Variants in LAMC2 observed in about 807,000 individuals in gnomAD.
LAMC2 encodes laminin subunit gamma 2, also known as laminin subunit gamma-2.
LAMC2 carries 97 observed loss-of-function variants against 140.2 expected under a neutral mutation model. That is an observed-to-expected ratio of 0.69 (90% CI 0.59 to 0.82). LAMC2 has a LOEUF of 0.82. Ranked by LOEUF, LAMC2 falls within the 40% of genes least tolerant of loss-of-function variation. The probability of loss-of-function intolerance (pLI) is 0.00; values close to 1 mark genes in which losing one functional copy is unlikely to be tolerated. For synonymous variants in LAMC2, 513 were observed against 540.2 expected (o/e 0.95, Z 0.70); for missense variants, 1,402 against 1,476.1 (o/e 0.95, Z 0.82).
At position 183,244,942 on chromosome 1, in the gene LAMC2, G is replaced by A. The variant is rs1467944879; in HGVS notation, c.*1542G>A. The A allele has an allele frequency of 6.6e-6, 1 of 152,220 alleles. No homozygotes were observed. The highest frequency in any genetic ancestry group is 1.9e-4 in the East Asian group (1 of 5,198). The allele number at this position is 152,220 out of a possible 1,614,324, so 9.4% of individuals were successfully genotyped here. On this transcript the variant is annotated 3_prime_UTR_variant, in exon 23 of 23. Coordinates refer to ENST00000264144, the MANE Select transcript of LAMC2 (RefSeq NM_005562.3). ...CTGATTTACTAAACTCTAAGCCTAT[G>A]ATGGTACCAAAGTAATGGAAATGAA...
intron 1 of LAMC2, among the ~76,000 whole-genome samples, chr1:183,204,892 A>G (rs781749312): frequency 6.6e-6 from 1 of 151,864 alleles, no homozygotes; most frequent in Admixed American, 6.6e-5. Flanking sequence ...GCACAATCTC[A>G]GCTCACTGCA....
intron 5 of LAMC2, among the ~76,000 whole-genome samples, chr1:183,221,659 G>A (rs1007938029): frequency 5.3e-5 from 8 of 151,908 alleles, no homozygotes; most frequent in Non-Finnish European, 1.5e-5. Context: ...AACCCGGGAG[G>A]CGGAGCTTGC....
the LAMC2 span, chr1:183,250,189 G>A: frequency 1.3e-5 from 2 of 152,168 alleles, no homozygotes; most frequent in Non-Finnish European, 2.9e-5. Flanking sequence ...GCTTATGACT[G>A]TTCTGCCTGG....
At position 183,220,876 on chromosome 1, in the gene LAMC2, C is replaced by A. The variant is rs376407710; in HGVS notation, c.555C>A (p.Thr185=). 6.2e-7 allele frequency: 1 copy of A among 1,613,770 alleles called. No individual in the cohort carries two copies. The highest frequency in any genetic ancestry group is 8.5e-7 in the Non-Finnish European group (1 of 1,179,684). Residue 185 remains threonine (T), a synonymous_variant, in exon 5 of 23, where the codon ACC becomes ACA. Transcript: ENST00000264144. ...NLDGGNPEGC[T]QCFCYGHSAS... is the part of the protein sequence containing the mutation. ...ATGGGGGGAACCCTGAGGGCTGTAC[C>A]CAGTGTTTCTGCTATGGGCATTCAG...
In LAMC2 at chr1:183,186,265, C is replaced by T; in HGVS notation, c.-88C>T. The T allele has an allele frequency of 1.3e-6, 2 of 1,524,314 alleles. No individual in the cohort carries two copies. Among genetic ancestry groups the T allele is most frequent in the African/African-American group, 2.7e-5 (2 of 72,964 alleles). The allele number at this position is 1,524,314 out of a possible 1,614,324, so 94.4% of individuals were successfully genotyped here. A position where few individuals can be genotyped will look rare whatever the true frequency, so the allele number is the denominator to read the frequency against. On this transcript the variant is annotated 5_prime_UTR_variant, in exon 1 of 23. Transcript: ENST00000264144. Reference sequence around the variant, plus strand: ...CACCTGATCAAGGAAAAGGAAGGCACAGCGGAGCGCAGAGTGAGAACCACC... The same window carrying T: ...CACCTGATCAAGGAAAAGGAAGGCATAGCGGAGCGCAGAGTGAGAACCACC...
chr1:183,254,802 A>AT, the LAMC2 span, among the ~76,000 whole-genome samples: 1 of 152,214 alleles, frequency 6.6e-6, no homozygotes, highest in African/African-American at 2.4e-5. Context: ...AGTTCTTTAT[A>AT]AATCTTGGAT....
At chr1:183,198,876 A>G (rs1394958407) in intron 1 of LAMC2, among the ~76,000 whole-genome samples, 1 of 152,144 alleles carries the variant, frequency 6.6e-6, no homozygotes, top group Non-Finnish European at 1.5e-5. Flanking sequence ...CAGCAACCTG[A>G]AAGTCCCAGA....
rs555323886 is a variant in LAMC2, at chr1:183,186,513, C to T, written c.79+82C>T. On this transcript the variant is annotated intron_variant, in intron 1 of 22. Transcript: ENST00000264144. The stretch of plus-strand genomic sequence containing the variant: ...CTGCAGACCGTGATGGCTGAACGTA[C>T]CTCCGAGGATTCCCACTTTGTCCAG... 4 of 1,464,288 alleles carry T rather than the reference C, an allele frequency of 2.7e-6. No individual in the cohort carries two copies. In the South Asian group the frequency reaches 4.8e-5, roughly 17 times the overall value. The allele number at this position is 1,464,288 out of a possible 1,614,324, so 90.7% of individuals were successfully genotyped here.
At chr1:183,254,346 CG>C in the LAMC2 span, among the ~76,000 whole-genome samples, 2 of 152,046 alleles carry the variant, frequency 1.3e-5, no homozygotes, top group Non-Finnish European at 2.9e-5. Flanking sequence ...AGTAATGTTG[CG>C]CATCTTTTTA....
Position 183,236,483 on chromosome 1 carries a change from C to T in LAMC2, c.2480C>T (p.Ala827Val), listed in dbSNP as rs754218432. The change falls in exon 17 of 23, where the codon GCC (alanine) becomes GTC (valine). Residue 827 changes from alanine to valine, a missense_variant. Around this residue, in one of 3 missense-constraint regions of LAMC2, gnomAD observed 670 missense variants for 667.2 expected, o/e 1.00. Coordinates refer to ENST00000264144, the MANE Select transcript of LAMC2 (RefSeq NM_005562.3). ...VEKLEKTKSL[A>V]QQLTREATQA... is the part of the protein sequence containing the mutation. The stretch of plus-strand genomic sequence containing the variant: ...AGATTGGAGAAAACCAAGTCCCTGG[C>T]CCAGCAGTTGACAAGGGAGGCCACT... The T allele has an allele frequency of 1.2e-6, 2 of 1,613,964 alleles. No individual in the cohort carries two copies. The highest frequency in any genetic ancestry group is 1.1e-5 in the South Asian group (1 of 91,068).
intron 11 of LAMC2, among the ~76,000 whole-genome samples, chr1:183,230,002 C>T (rs74668103): frequency 0.011 from 1,726 of 152,278 alleles, 17 homozygotes; most frequent in Admixed American, 0.019. Flanking sequence ...CCTCAGTTTC[C>T]TTATATGTGT....
downstream of LAMC2, among the ~76,000 whole-genome samples, chr1:183,248,081 C>A (rs75537189): frequency 7.2e-3 from 1,089 of 152,296 alleles, 11 homozygotes; most frequent in African/African-American, 0.025. Context: ...GCTGTACATA[C>A]TTTTATATAA....
chr1:183,193,297 G>A (rs1243599817), intron 1 of LAMC2, among the ~76,000 whole-genome samples: 4 of 152,198 alleles, frequency 2.6e-5, no homozygotes, highest in Admixed American at 2.6e-4. Flanking sequence ...AATTGACCAA[G>A]TGGCTCAGTT....
intron 1 of LAMC2, among the ~76,000 whole-genome samples, chr1:183,201,515 G>T (rs1658706262): frequency 6.6e-6 from 1 of 152,140 alleles, no homozygotes; most frequent in African/African-American, 2.4e-5. Flanking sequence ...CTTTTTAGAT[G>T]CATACATCAG....
rs539351981 is a variant in LAMC2, at chr1:183,221,301, G to A, written c.640+340G>A. 6.0e-4 allele frequency among the ~76,000 whole-genome samples: 91 copies of A among 152,210 alleles called. 1 individual carries two copies. Among genetic ancestry groups the A allele is most frequent in the Admixed American group, 5.7e-3 (87 of 15,300 alleles). On this transcript the variant is annotated intron_variant, in intron 5 of 22. Coordinates refer to ENST00000264144, the MANE Select transcript of LAMC2 (RefSeq NM_005562.3). ...GTGTATGAGTCTTCCTGGAATTCAC[G>A]TTCACTAATAATGCTGTTTTCACAT...
intron 1 of LAMC2, among the ~76,000 whole-genome samples, chr1:183,190,126 T>C (rs1658285036): frequency 6.6e-6 from 1 of 152,192 alleles, no homozygotes; most frequent in African/African-American, 2.4e-5. Flanking sequence ...ATTTTGGGAC[T>C]TGGGCAAGCT....
intron 1 of LAMC2, among the ~76,000 whole-genome samples, chr1:183,187,561 A>T (rs551410980): frequency 1.1e-4 from 17 of 152,280 alleles, no homozygotes; most frequent in African/African-American, 4.1e-4. Flanking sequence ...AATTTGCCTG[A>T]CTAGAATACT....
chr1:183,246,173 A>C (rs1278863086), downstream of LAMC2, among the ~76,000 whole-genome samples: 4 of 151,664 alleles, frequency 2.6e-5, no homozygotes, highest in East Asian at 7.7e-4. Context: ...CCGTCTCAAA[A>C]AAAAAAAAAA....
In LAMC2 at chr1:183,243,335, T is replaced by G. The variant is rs1660179056; in HGVS notation, c.3517T>G (p.Leu1173Val). The G allele has an allele frequency of 6.2e-7, 1 of 1,614,052 alleles. No homozygotes were observed. The highest frequency in any genetic ancestry group is 1.3e-5 in the African/African-American group (1 of 74,904). The change falls in exon 23 of 23, where the codon TTG becomes GTG. Residue 1173 changes from leucine (L) to valine (V), a missense_variant. Leu to Val is a conservative substitution (Grantham distance 32). Around this residue, in one of 3 missense-constraint regions of LAMC2, gnomAD observed 670 missense variants for 667.2 expected, o/e 1.00. Transcript: ENST00000264144. ...IDGILADVKN[L>V]ENIRDNLPPG... ...TGGGATTCTGGCTGATGTGAAGAAC[T>G]TGGAGAACATTAGGGACAACCTGCC...
Sources: allele counts gnomAD v4.1 joint callset (sites outside exome capture counted in the v4.1 genomes callset), GRCh38; gene constraint gnomAD v4.1.1; regional missense constraint gnomAD v4.1.1; transcripts MANE v1.5; gene names NCBI Gene and HGNC (gene_info 2026-07-23, HGNC 2026-07-21).